The following PHLPP1 variants were observed in gnomAD, a reference collection of about 807,000 sequenced individuals.
The protein encoded by PHLPP1 is PH domain and leucine rich repeat protein phosphatase 1.
A neutral mutation model predicts 117.2 loss-of-function variants in PHLPP1; 42 were observed. The observed-to-expected ratio is 0.36, with a 90% confidence interval of 0.28 to 0.46. PHLPP1 has a LOEUF of 0.46. PHLPP1 is among the 20% of genes least tolerant of loss of function. PHLPP1 has a pLI of 1.00. For synonymous variants in PHLPP1, 1,042 were observed against 970.7 expected, an observed-to-expected ratio of 1.07 and a Z score of -1.37; for missense variants, 2,084 against 2,241.9, an observed-to-expected ratio of 0.93 and a Z score of 1.42.
At chr18:62,939,106 T>C (rs904242006) in intron 10 of PHLPP1, among the ~76,000 whole-genome samples, 1 of 151,348 alleles carries the variant, frequency 6.6e-6, no homozygotes, top group Non-Finnish European at 1.5e-5. Context: ...TTCTGCTGCC[T>C]CACCCTCTCG....
intron 1 of PHLPP1, among the ~76,000 whole-genome samples, chr18:62,742,793 C>T (rs943778252): frequency 2.6e-5 from 4 of 152,134 alleles, no homozygotes; most frequent in Non-Finnish European, 5.9e-5. Flanking sequence ...CCAGCACACT[C>T]ATTTTCCTTT....
intron 1 of PHLPP1, among the ~76,000 whole-genome samples, chr18:62,725,170 C>T (rs1314266993): frequency 2.0e-5 from 3 of 151,968 alleles, no homozygotes; most frequent in Non-Finnish European, 4.4e-5. Context: ...ACCAGCCTGG[C>T]TAACATGGTG....
chr18:62,749,322 A>C (rs1911775325), intron 1 of PHLPP1, among the ~76,000 whole-genome samples: 2 of 152,278 alleles, frequency 1.3e-5, no homozygotes, highest in South Asian at 4.1e-4. Flanking sequence ...CTCTTAAAAA[A>C]GATACCTACT....
chr18:62,917,359 CA>C (rs1271058236), intron 9 of PHLPP1, among the ~76,000 whole-genome samples: 2 of 149,862 alleles, frequency 1.3e-5, no homozygotes, highest in African/African-American at 2.5e-5. Context: ...ATGCAAATCC[CA>C]AATGCTCTAT....
chr18:62,858,567 A>G (rs950032250), intron 3 of PHLPP1, among the ~76,000 whole-genome samples: 12 of 152,148 alleles, frequency 7.9e-5, no homozygotes, highest in African/African-American at 2.9e-4. Flanking sequence ...CTGATCTAGC[A>G]GAACATATCT....
intron 10 of PHLPP1, among the ~76,000 whole-genome samples, chr18:62,941,335 C>T (rs936931843): frequency 6.6e-6 from 1 of 152,186 alleles, no homozygotes; most frequent in Non-Finnish European, 1.5e-5. Flanking sequence ...AAACTCCTGG[C>T]ATCCTCCTGC....
At chr18:62,886,866 C>G (rs1916299616) in intron 4 of PHLPP1, among the ~76,000 whole-genome samples, 1 of 152,144 alleles carries the variant, frequency 6.6e-6, no homozygotes, top group Non-Finnish European at 1.5e-5. Flanking sequence ...AACTTCCTTT[C>G]TGTAGTGTGA....
intron 12 of PHLPP1, among the ~76,000 whole-genome samples, chr18:62,956,069 T>C (rs1910603247): frequency 6.6e-6 from 1 of 152,188 alleles, no homozygotes; most frequent in African/African-American, 2.4e-5. Context: ...ATGACTGTTT[T>C]CTCCAATATT....
intron 8 of PHLPP1, among the ~76,000 whole-genome samples, chr18:62,905,878 C>T (rs750581862): frequency 1.2e-4 from 18 of 152,238 alleles, no homozygotes; most frequent in East Asian, 1.9e-4. Context: ...ATATTTATTG[C>T]GGTTCCCACA....
intron 4 of PHLPP1, among the ~76,000 whole-genome samples, chr18:62,887,519 G>T (rs1307752265): frequency 6.6e-6 from 1 of 152,148 alleles, no homozygotes; most frequent in Non-Finnish European, 1.5e-5. Flanking sequence ...TTGGTGTCTG[G>T]TGAGGACTCA....
chr18:62,937,014 A>G (rs1203901830), intron 10 of PHLPP1, among the ~76,000 whole-genome samples: 3 of 152,228 alleles, frequency 2.0e-5, no homozygotes, highest in African/African-American at 7.2e-5. Flanking sequence ...TTTTAATGGT[A>G]TATAAGTCCC....
chr18:62,723,328 C>T lies in PHLPP1; in HGVS notation c.1576+6069C>T, dbSNP rs1281029439. Among the ~76,000 whole-genome samples the T allele has an allele frequency of 5.4e-4, 82 of 152,184 alleles. 2 individuals are homozygous for T. The highest frequency in any genetic ancestry group is 5.3e-3 in the Admixed American group (81 of 15,282). On this transcript the variant is annotated intron_variant, in intron 1 of 16. Transcript: ENST00000262719. ...GGAGCTTGGCTAAAAGTAAATTAGC[C>T]TTGCTTCTAGTTTGTGAAAGCATTC...
chr18:62,843,807 C>T (rs564544485), intron 3 of PHLPP1, among the ~76,000 whole-genome samples: 5 of 152,264 alleles, frequency 3.3e-5, no homozygotes, highest in Admixed American at 2.6e-4. Context: ...GAAAAGGCTA[C>T]GGCTAAGCTG....
intron 1 of PHLPP1, among the ~76,000 whole-genome samples, chr18:62,755,383 A>G (rs1229294605): frequency 6.6e-6 from 1 of 152,134 alleles, no homozygotes; most frequent in Non-Finnish European, 1.5e-5. Context: ...GAAAGAGGGC[A>G]AAGTTTAGAT....
chr18:62,958,677 A>C lies in PHLPP1; in HGVS notation c.3373A>C (p.Asn1125His). ...NELSEVTLPE[N>H]LPPKLQELDL... ...GCTAAGTGAAGTCACATTACCAGAAAACCTGCCTCCCAAACTGCAGGAGCT... is the reference window on the plus strand; with the variant it reads ...GCTAAGTGAAGTCACATTACCAGAACACCTGCCTCCCAAACTGCAGGAGCT... Residue 1125 changes from asparagine (N) to histidine (H), a missense_variant, in exon 13 of 17, where the codon AAC becomes CAC. By Grantham distance (68) the Asn-to-His change is moderately conservative. Around this residue, in one of 2 missense-constraint regions of PHLPP1, gnomAD observed 1,365 missense variants for 1,605.9 expected, o/e 0.85. Coordinates refer to ENST00000262719, the MANE Select transcript of PHLPP1 (RefSeq NM_194449.4). The C allele has an allele frequency of 1.2e-6, 2 of 1,613,898 alleles. No homozygotes were observed.
At chr18:62,975,766 A>C (rs1263566524) in intron 16 of PHLPP1, 141 bp downstream of exon 16, 1 of 630,638 alleles carries the variant, frequency 1.6e-6, no homozygotes, top group Non-Finnish European at 2.8e-6. Flanking sequence ...AATCCATAGT[A>C]TCACAAAGCA....
chr18:62,948,479 G>A (rs532858471), intron 12 of PHLPP1, among the ~76,000 whole-genome samples: 4 of 152,160 alleles, frequency 2.6e-5, no homozygotes, highest in African/African-American at 9.6e-5. Context: ...TTCCCCTGTT[G>A]TCTTCTCTCT....
At chr18:62,874,272 C>T (rs1260813372) in intron 4 of PHLPP1, among the ~76,000 whole-genome samples, 1 of 151,806 alleles carries the variant, frequency 6.6e-6, no homozygotes, top group Non-Finnish European at 1.5e-5. Context: ...CTTTGGGAGG[C>T]CAAGGCAGGT....
intron 10 of PHLPP1, among the ~76,000 whole-genome samples, chr18:62,920,604 C>T (rs962651383): frequency 8.5e-5 from 13 of 152,140 alleles, no homozygotes; most frequent in East Asian, 3.9e-4. Flanking sequence ...CTGTCGCCTA[C>T]GCTGGAGTGC....
Sources: gnomAD v4.1 joint callset for allele counts (sites outside exome capture counted in the v4.1 genomes callset) on GRCh38, gnomAD v4.1.1 for gene constraint, gnomAD v4.1.1 regional missense constraint, MANE v1.5 for transcripts, NCBI Gene and HGNC (gene_info 2026-07-23, HGNC 2026-07-21) for gene names.